Variants in RBFOX1 observed in about 807,000 individuals in gnomAD.
The protein encoded by RBFOX1 is RNA binding protein fox-1 homolog 1.
A neutral mutation model predicts 57.7 loss-of-function variants in RBFOX1; 8 were observed. The observed-to-expected ratio is 0.14, with a 90% CI of 0.08 to 0.25. The LOEUF (loss-of-function observed/expected upper bound fraction) is 0.25, where lower values mean the gene tolerates loss of function less well. Among genes scored for constraint, RBFOX1 ranks in the 10% least tolerant of loss-of-function variants. RBFOX1 has a pLI of 1.00. For synonymous variants in RBFOX1, 326 were observed against 222.4 expected (o/e 1.47, Z -4.15); for missense variants, 611 against 548.5 (o/e 1.11, Z -1.14).
intron 4 of RBFOX1, among the ~76,000 whole-genome samples, chr16:7,168,304 G>A (rs2079982323): frequency 1.3e-5 from 2 of 151,918 alleles, no homozygotes. Context: ...ATGGACCAAG[G>A]TCTGTTTTGC....
intron 2 of RBFOX1, among the ~76,000 whole-genome samples, chr16:6,564,936 T>C (rs1033835580): frequency 9.2e-5 from 14 of 151,366 alleles, no homozygotes; most frequent in Non-Finnish European, 2.9e-5. Flanking sequence ...AGGTCAGGAG[T>C]TGGAGATCAG....
chr16:6,128,415 C>T (rs1221874808), intron 1 of RBFOX1, among the ~76,000 whole-genome samples: 1 of 152,164 alleles, frequency 6.6e-6, no homozygotes, highest in Non-Finnish European at 1.5e-5. Flanking sequence ...ATACCTAAGG[C>T]TACTCTTTTT....
Position 5,830,013 on chromosome 16 carries a change from C to G in RBFOX1, c.319-37290C>G, listed in dbSNP as rs539951910. ...CTTGCTTCCAGTCTCTTCGTTTGCT[C>G]AATACATTCAAATAGCCATGACATT... On this transcript the variant is annotated intron_variant, in intron 3 of 19. Transcript: ENST00000641259. 6.6e-5 allele frequency among the ~76,000 whole-genome samples: 10 copies of G among 152,260 alleles called. No homozygotes were observed. In the East Asian group the frequency reaches 1.5e-3, roughly 23 times the overall value.
intron 2 of RBFOX1, among the ~76,000 whole-genome samples, chr16:5,508,337 C>G (rs2043449685): frequency 6.6e-6 from 1 of 152,172 alleles, no homozygotes; most frequent in African/African-American, 2.4e-5. Context: ...TCCTTGCCAA[C>G]TACCTGCATC....
At chr16:5,914,697 C>T (rs1171564310) in intron 4 of RBFOX1, among the ~76,000 whole-genome samples, 1 of 152,102 alleles carries the variant, frequency 6.6e-6, no homozygotes. Flanking sequence ...GAGATTGAGA[C>T]CATCCTGGCT....
intron 4 of RBFOX1, among the ~76,000 whole-genome samples, chr16:7,449,373 G>A (rs2098833461): frequency 6.6e-6 from 1 of 152,140 alleles, no homozygotes; most frequent in African/African-American, 2.4e-5. Context: ...AGTCAGTGGG[G>A]GAGAATGGCA....
intron 1 of RBFOX1, among the ~76,000 whole-genome samples, chr16:6,274,658 A>G (rs371666387): frequency 1.3e-5 from 2 of 152,282 alleles, no homozygotes; most frequent in South Asian, 2.1e-4. Flanking sequence ...ATATCATACT[A>G]TGGTTTTGAA....
intron 2 of RBFOX1, among the ~76,000 whole-genome samples, chr16:6,336,496 C>T (rs1391001949): frequency 6.6e-6 from 1 of 152,098 alleles, no homozygotes; most frequent in African/African-American, 2.4e-5. Flanking sequence ...CTTCAGCATT[C>T]TTCCTACAGA....
At chr16:7,250,422 C>A (rs976662297) in intron 4 of RBFOX1, among the ~76,000 whole-genome samples, 1 of 152,196 alleles carries the variant, frequency 6.6e-6, no homozygotes, top group Non-Finnish European at 1.5e-5. Context: ...TTTGTGTCTT[C>A]TAAGTGAAAT....
intron 2 of RBFOX1, among the ~76,000 whole-genome samples, chr16:6,554,181 C>G (rs7191434): frequency 0.92 from 140,659 of 152,202 alleles, 65,944 homozygotes; most frequent in East Asian, 1. Context: ...TGTGGTAGCT[C>G]TAGGGGTTTA....
chr16:5,781,436 A>G (rs886505461), intron 3 of RBFOX1, among the ~76,000 whole-genome samples: 4 of 152,238 alleles, frequency 2.6e-5, no homozygotes, highest in South Asian at 2.1e-4. Flanking sequence ...AACTATGCCA[A>G]TAAATGCCAG....
At chr16:5,284,266 T>C (rs1336365334) in intron 1 of RBFOX1, among the ~76,000 whole-genome samples, 1 of 152,200 alleles carries the variant, frequency 6.6e-6, no homozygotes, top group Admixed American at 6.5e-5. Flanking sequence ...TATGTCTTTA[T>C]CAGCAGTGTG....
chr16:7,167,865 G>GC (rs1019704964), intron 4 of RBFOX1, among the ~76,000 whole-genome samples: 3 of 18,080 alleles, frequency 1.7e-4, no homozygotes, highest in Admixed American at 1.5e-3. Flanking sequence ...CTGGCCCTCT[G>GC]CGAAAAAAGT....
At chr16:6,731,994 GA>G (rs1239476938) in intron 3 of RBFOX1, among the ~76,000 whole-genome samples, 2 of 152,170 alleles carry the variant, frequency 1.3e-5, no homozygotes, top group African/African-American at 2.4e-5. Context: ...CAAAAGGGAA[GA>G]TTTTTTTTAA....
chr16:6,120,497 C>G (rs767658067), intron 1 of RBFOX1, among the ~76,000 whole-genome samples: 7 of 152,146 alleles, frequency 4.6e-5, no homozygotes, highest in Non-Finnish European at 8.8e-5. Flanking sequence ...TCTTGCTTGT[C>G]ATGGGATCTT....
chr16:7,442,323 C>T (rs1598499197), intron 4 of RBFOX1, among the ~76,000 whole-genome samples: 1 of 152,130 alleles, frequency 6.6e-6, no homozygotes, highest in African/African-American at 2.4e-5. Context: ...AGTCCGTCTC[C>T]CAGCACAGCC....
chr16:5,624,970 C>G (rs780477201), intron 3 of RBFOX1, among the ~76,000 whole-genome samples: 42 of 152,072 alleles, frequency 2.8e-4, no homozygotes, highest in Non-Finnish European at 5.3e-4. Context: ...GATTTGGGGC[C>G]GTGTGATTGA....
chr16:7,403,453 T>TAGA (rs1336953581), intron 4 of RBFOX1, among the ~76,000 whole-genome samples: 1 of 152,206 alleles, frequency 6.6e-6, no homozygotes, highest in Non-Finnish European at 1.5e-5. Flanking sequence ...TTGAGTGTTT[T>TAGA]AGATCCTGCA....
intron 1 of RBFOX1, among the ~76,000 whole-genome samples, chr16:6,048,235 C>T (rs114426869): frequency 7.1e-4 from 108 of 152,298 alleles, no homozygotes; most frequent in African/African-American, 2.4e-3. Flanking sequence ...TCAGGCAGTT[C>T]AGCTTGGCTG....
Sources: gnomAD v4.1 joint callset for allele counts (sites outside exome capture counted in the v4.1 genomes callset) on GRCh38, gnomAD v4.1.1 for gene constraint, MANE v1.5 for transcripts, NCBI Gene and HGNC (gene_info 2026-07-23, HGNC 2026-07-21) for gene names.